Variants in CLCN3 observed in about 807,000 individuals in gnomAD.
The protein encoded by CLCN3 is H(+)/Cl(-) exchange transporter 3.
Under a neutral mutation model 83.4 loss-of-function variants are expected in CLCN3, and 16 were observed. The ratio of observed to expected loss-of-function variants is 0.19; its 90% CI spans 0.13 to 0.29. CLCN3 has a LOEUF of 0.29. CLCN3 is among the 10% of genes least tolerant of loss of function. The pLI, the probability that CLCN3 is intolerant of heterozygous loss-of-function variation, is 1.00. For missense variants in CLCN3, 544 were observed against 1,006.0 expected, an observed-to-expected ratio of 0.54 and a Z score of 6.21; for synonymous variants, 322 against 346.2, an observed-to-expected ratio of 0.93 and a Z score of 0.78.
chr4:169,640,335 TAA>T (rs1376140247), intron 2 of CLCN3, among the ~76,000 whole-genome samples: 3 of 152,220 alleles, frequency 2.0e-5, no homozygotes, highest in Non-Finnish European at 4.4e-5. Context: ...TTGTCAGAGA[TAA>T]ACTGCTTTGG....
rs747220271 is a variant in CLCN3, at chr4:169,704,018, C to T, written c.1584C>T (p.Ile528=). 4 of 1,614,026 alleles carry T rather than the reference C, an allele frequency of 2.5e-6. No individual in the cohort carries two copies. The highest frequency in any genetic ancestry group is 3.4e-6 in the Non-Finnish European group (4 of 1,179,962). ...TATAGGTTCCATCAGGCTTGTTCAT[C>T]CCCAGCATGGCCATTGGAGCGATCG... ...FGIKVPSGLF[I]PSMAIGAIAG... The change falls in exon 10 of 13, where the codon ATC becomes ATT. Residue 528 remains isoleucine (I), a synonymous_variant. Coordinates refer to ENST00000513761, the MANE Select transcript of CLCN3 (RefSeq NM_001829.4).
At position 169,679,646 on chromosome 4, in the gene CLCN3, T is replaced by C. The variant is rs1220904596; in HGVS notation, c.161-404T>C. Among the ~76,000 whole-genome samples, 14 of 152,170 alleles carry C rather than the reference T, an allele frequency of 9.2e-5. No individual in the cohort carries two copies. The South Asian group carries it at 2.1e-3, about 23-fold the overall frequency. On this transcript the variant is annotated intron_variant, in intron 2 of 12. Coordinates refer to ENST00000513761, the MANE Select transcript of CLCN3 (RefSeq NM_001829.4). ...GACTCCGTCTGCAATCCCGGCACCT[T>C]GGGAGGCCGAGGCGGGCAGATCACT...
At chr4:169,626,183 G>T (rs1023715308) in intron 1 of CLCN3, among the ~76,000 whole-genome samples, 8 of 152,248 alleles carry the variant, frequency 5.3e-5, no homozygotes, top group African/African-American at 1.9e-4. Flanking sequence ...AGAACTCAGA[G>T]AAACACTTAC....
chr4:169,680,222 T>TA lies in CLCN3; in HGVS notation c.318+20dup, dbSNP rs869221155. On this transcript the variant is annotated intron_variant, in intron 3 of 12. Transcript: ENST00000513761. ...GGCATAGACGGGTAAGTGTTTTTAG[T>TA]AAAAATTTTTAAAAACATAGTGCAT... 6.3e-7 allele frequency: 1 copy of TA among 1,581,110 alleles called. No homozygotes were observed. The highest frequency in any genetic ancestry group is 1.4e-5 in the African/African-American group (1 of 73,368).
At chr4:169,678,551 CA>C (rs769413479) in intron 2 of CLCN3, among the ~76,000 whole-genome samples, 2 of 152,094 alleles carry the variant, frequency 1.3e-5, no homozygotes, top group Non-Finnish European at 2.9e-5. Context: ...TTTTCCTAGG[CA>C]GAGGACCCTG....
At chr4:169,678,197 C>A (rs1731757465) in intron 2 of CLCN3, among the ~76,000 whole-genome samples, 1 of 152,154 alleles carries the variant, frequency 6.6e-6, no homozygotes, top group African/African-American at 2.4e-5. Context: ...TTTTACAAAT[C>A]ATTTTCTAAT....
At chr4:169,712,511 G>A (rs1204016311) in intron 11 of CLCN3, among the ~76,000 whole-genome samples, 1 of 152,094 alleles carries the variant, frequency 6.6e-6, no homozygotes, top group Non-Finnish European at 1.5e-5. Flanking sequence ...TGCATTATGA[G>A]CATAATTGTA....
intron 9 of CLCN3, among the ~76,000 whole-genome samples, chr4:169,699,365 G>A (rs980567609): frequency 2.7e-4 from 41 of 152,194 alleles, no homozygotes; most frequent in African/African-American, 9.9e-4. Flanking sequence ...GTGACTATCA[G>A]TGATATATAT....
chr4:169,661,975 C>T (rs890304609), intron 2 of CLCN3, among the ~76,000 whole-genome samples: 1 of 152,100 alleles, frequency 6.6e-6, no homozygotes, highest in Non-Finnish European at 1.5e-5. Flanking sequence ...TTTCCTCATG[C>T]TATTACAACA....
intron 2 of CLCN3, among the ~76,000 whole-genome samples, chr4:169,661,848 A>G (rs916849263): frequency 5.9e-5 from 9 of 152,076 alleles, no homozygotes; most frequent in African/African-American, 2.2e-4. Flanking sequence ...TGTTCTGATT[A>G]TCAGTTTTCT....
rs1328414427 is a variant in CLCN3 at position 169,722,605 on chromosome 4, A to G, written c.*2608A>G. ...CTTCGTAAAACTTCACATGGAGTTTATTTTATCATATTTCCCTTTTTTATT... is the reference window on the plus strand; with the variant it reads ...CTTCGTAAAACTTCACATGGAGTTTGTTTTATCATATTTCCCTTTTTTATT... On this transcript the variant is annotated 3_prime_UTR_variant, in exon 13 of 13. Transcript: ENST00000513761. 1 of 152,176 alleles carries G rather than the reference A, an allele frequency of 6.6e-6. No homozygotes were observed. Among genetic ancestry groups the G allele is most frequent in the Non-Finnish European group, 1.5e-5 (1 of 68,018 alleles). 9.4% of individuals were successfully genotyped at this position (152,176 alleles called of 1,614,324 possible). A position where few individuals can be genotyped will look rare whatever the true frequency, so the allele number is the denominator to read the frequency against.
At chr4:169,695,129 C>T (rs1045520481) in intron 7 of CLCN3, among the ~76,000 whole-genome samples, 1 of 152,114 alleles carries the variant, frequency 6.6e-6, no homozygotes, top group African/African-American at 2.4e-5. Flanking sequence ...TTTCAGAATG[C>T]ATAGGGTAGT....
chr4:169,669,191 C>T (rs776628612), intron 2 of CLCN3, among the ~76,000 whole-genome samples: 5 of 152,028 alleles, frequency 3.3e-5, no homozygotes, highest in Non-Finnish European at 5.9e-5. Context: ...TATTGGATAT[C>T]TGGTAGTGGG....
rs545850159 is a variant in CLCN3, at chr4:169,665,602, A to AG, written c.161-14447dup. 3.2e-3 allele frequency among the ~76,000 whole-genome samples: 374 copies of AG among 115,780 alleles called. 11 individuals carry two copies. In the East Asian group the frequency reaches 0.068, roughly 21 times the overall value. 76.0% of individuals were successfully genotyped at this position (115,780 alleles called of 152,430 possible). ...TTCTTATCAGTAGGGTCACAGAGAG[A>AG]GAAAAAAAAAAACCATCTGGGGCTA... On this transcript the variant is annotated intron_variant, in intron 2 of 12. Coordinates refer to ENST00000513761, the MANE Select transcript of CLCN3 (RefSeq NM_001829.4).
chr4:169,623,539 T>C (rs1164833959), intron 1 of CLCN3, among the ~76,000 whole-genome samples: 1 of 152,228 alleles, frequency 6.6e-6, no homozygotes, highest in Admixed American at 6.5e-5. Context: ...AAATTAACTT[T>C]TAGCAATTTT....
chr4:169,679,760 C>T (rs1360241872), intron 2 of CLCN3, among the ~76,000 whole-genome samples: 1 of 152,266 alleles, frequency 6.6e-6, no homozygotes, highest in South Asian at 2.1e-4. Flanking sequence ...CGTGGCGGCG[C>T]GTGCCTGCAA....
At chr4:169,678,844 A>G (rs1731786927) in intron 2 of CLCN3, among the ~76,000 whole-genome samples, 4 of 152,168 alleles carry the variant, frequency 2.6e-5, no homozygotes, top group Admixed American at 2.6e-4. Context: ...TAACAATCTG[A>G]TCTCTCTTTT....
intron 8 of CLCN3, 104 bp from the exon 9 acceptor site, chr4:169,697,085 C>A (rs1356529201): frequency 1.2e-6 from 1 of 807,320 alleles, no homozygotes; most frequent in Non-Finnish European, 1.9e-6. Context: ...ATTCTAACTA[C>A]AGCAAAATTT....
chr4:169,671,523 G>A (rs959454788), intron 2 of CLCN3, among the ~76,000 whole-genome samples: 3 of 152,094 alleles, frequency 2.0e-5, no homozygotes, highest in African/African-American at 7.2e-5. Context: ...TAAACGATGG[G>A]TTGGTAAGTG....
Sources: gnomAD v4.1 joint callset for allele counts (sites outside exome capture counted in the v4.1 genomes callset) on GRCh38, gnomAD v4.1.1 for gene constraint, MANE v1.5 for transcripts, NCBI Gene and HGNC (gene_info 2026-07-23, HGNC 2026-07-21) for gene names.